Variants in DHTKD1 observed in about 807,000 individuals in gnomAD.
DHTKD1 encodes the protein 2-oxoadipate dehydrogenase complex component E1.
In DHTKD1, 78 loss-of-function variants were observed where a neutral mutation model predicts 101.8. The ratio of observed to expected loss-of-function variants is 0.77; its 90% confidence interval spans 0.64 to 0.93. The LOEUF (loss-of-function observed/expected upper bound fraction) is 0.93. DHTKD1 is among the 40% of genes least tolerant of loss of function. The probability of loss-of-function intolerance (pLI) is 0.00; values close to 1 mark genes in which losing one functional copy is unlikely to be tolerated. For missense variants in DHTKD1, 1,223 were observed against 1,161.7 expected, an observed-to-expected ratio of 1.05 and a Z score of -0.77; for synonymous variants, 462 against 450.3, an observed-to-expected ratio of 1.03 and a Z score of -0.33.
At chr10:12,084,149 C>G (rs1036611379) in intron 2 of DHTKD1, among the ~76,000 whole-genome samples, 2 of 152,100 alleles carry the variant, frequency 1.3e-5, no homozygotes, top group East Asian at 3.9e-4. Flanking sequence ...GCTCGAACTC[C>G]TGACCTCAGG....
intron 16 of DHTKD1, 72 bp downstream of exon 16, chr10:12,120,339 CTT>C (rs539793101): frequency 1.1e-3 from 1,169 of 1,055,130 alleles, no homozygotes; most frequent in Non-Finnish European, 1.2e-3. Flanking sequence ...TTCTTTCTTT[CTT>C]TTTTTTTTTT....
chr10:12,092,171 A>T (rs1833000692), intron 6 of DHTKD1, among the ~76,000 whole-genome samples: 1 of 151,762 alleles, frequency 6.6e-6, no homozygotes, highest in Admixed American at 6.6e-5. Context: ...TTTAGTAGAG[A>T]CGGGGTTTCA....
At chr10:12,106,137 C>A in intron 10 of DHTKD1, 109 bp from the exon 11 acceptor site, 1 of 1,127,848 alleles carries the variant, frequency 8.9e-7, no homozygotes, top group Non-Finnish European at 1.3e-6. Flanking sequence ...TGGTGATGAA[C>A]GAGAGCAAGG....
At chr10:12,092,561 T>C (rs1286821410) in intron 6 of DHTKD1, among the ~76,000 whole-genome samples, 1 of 151,888 alleles carries the variant, frequency 6.6e-6, no homozygotes, top group Non-Finnish European at 1.5e-5. Flanking sequence ...CCCAGCACTT[T>C]GGGAGGCTAA....
In DHTKD1 at chr10:12,101,321, G is replaced by A. The variant is rs73577257; in HGVS notation, c.1896+140G>A. 0.039 allele frequency: 34,230 copies of A among 887,874 alleles called. 886 individuals are homozygous for A. The highest frequency in any genetic ancestry group is 0.043 in the Non-Finnish European group (26,135 of 604,634). 55.0% of individuals were successfully genotyped at this position (887,874 alleles called of 1,614,324 possible). ...AAAGGAGTGCTAAATGGGTGGATGA[G>A]GTGGGTCTGTCAATTTGGAATGCAA... is the stretch of plus-strand genomic sequence containing the variant. On this transcript the variant is annotated intron_variant, in intron 10 of 16. Transcript: ENST00000263035.
At chr10:12,109,793 G>A (rs542263001) in intron 12 of DHTKD1, among the ~76,000 whole-genome samples, 2 of 151,976 alleles carry the variant, frequency 1.3e-5, no homozygotes, top group South Asian at 4.2e-4. Context: ...GTGAGACCCT[G>A]TCTCTACTAA....
chr10:12,082,513 C>T (rs1009329120), intron 2 of DHTKD1, among the ~76,000 whole-genome samples: 1 of 152,094 alleles, frequency 6.6e-6, no homozygotes, highest in African/African-American at 2.4e-5. Context: ...AATAAACTAC[C>T]CCAAGACGTA....
chr10:12,120,815 C>T lies in DHTKD1; in HGVS notation c.2687C>T (p.Pro896Leu). ...KLRLVGRPPL[P>L]VPAVGIGTVH... is the part of the protein sequence containing the mutation. ...CGTCTGGTGGGCCGGCCCCCTTTGC[C>T]AGTACCCGCTGTAGGAATTGGCACA... Residue 896 changes from proline to leucine, a missense_variant, in exon 17 of 17, where the codon CCA becomes CTA. Physicochemically the swap from Pro to Leu is moderately conservative, Grantham distance 98. Coordinates refer to ENST00000263035, the MANE Select transcript of DHTKD1 (RefSeq NM_018706.7). 4.3e-6 allele frequency: 7 copies of T among 1,614,136 alleles called. No individual in the cohort carries two copies. Among genetic ancestry groups the T allele is most frequent in the Non-Finnish European group, 5.1e-6 (6 of 1,179,996 alleles).
At chr10:12,120,370 G>C (rs1382249884) in intron 16 of DHTKD1, 103 bp downstream of exon 16, 1 of 1,041,500 alleles carries the variant, frequency 9.6e-7, no homozygotes, top group African/African-American at 1.6e-5. Flanking sequence ...GTCTCACTCT[G>C]TTGCCCAGGC....
At chr10:12,102,143 T>G (rs1266442599) in intron 10 of DHTKD1, among the ~76,000 whole-genome samples, 2 of 152,016 alleles carry the variant, frequency 1.3e-5, no homozygotes, top group African/African-American at 2.4e-5. Flanking sequence ...ATTCACTTGG[T>G]GGCCGGGTGT....
chr10:12,118,772 C>G lies in DHTKD1; in HGVS notation c.2426C>G (p.Ser809Cys). 6.3e-7 allele frequency: 1 copy of G among 1,591,442 alleles called. No individual in the cohort carries two copies. The highest frequency in any genetic ancestry group is 1.1e-5 in the South Asian group (1 of 87,380). Residue 809 changes from serine (S) to cysteine (C), a missense_variant, in exon 15 of 17, where the codon TCC becomes TGC. By Grantham distance (112) the Ser-to-Cys change is moderately radical. Coordinates refer to ENST00000263035, the MANE Select transcript of DHTKD1 (RefSeq NM_018706.7). ...AGGGTTAAGACCCTCGTGTTCTGCTCCGGCAAACATTTCTACTCCCTGGTG... is the reference window on the plus strand; with the variant it reads ...AGGGTTAAGACCCTCGTGTTCTGCTGCGGCAAACATTTCTACTCCCTGGTG... ...PKKVKTLVFC[S>C]GKHFYSLVKQ...
intron 14 of DHTKD1, among the ~76,000 whole-genome samples, chr10:12,118,318 A>AC (rs1330575540): frequency 3.4e-5 from 5 of 148,154 alleles, no homozygotes; most frequent in Admixed American, 1.4e-4. Context: ...GGCTGCAGAG[A>AC]CCCCCACCAC....
At position 12,103,525 on chromosome 10, in the gene DHTKD1, G is replaced by GTGTGTGTGTGTA. The variant is rs1554793234; in HGVS notation, c.1896+2347_1896+2348insGTGTGTGTATGT. Among the ~76,000 whole-genome samples the GTGTGTGTGTGTA allele has an allele frequency of 7.8e-6, 1 of 127,710 alleles. No homozygotes were observed. The highest frequency in any genetic ancestry group is 1.8e-5 in the Non-Finnish European group (1 of 56,534). The allele number at this position is 127,710 out of a possible 152,430, so 83.8% of individuals were successfully genotyped here. On this transcript the variant is annotated intron_variant, in intron 10 of 16. Coordinates refer to ENST00000263035, the MANE Select transcript of DHTKD1 (RefSeq NM_018706.7). This position sits in a 1 kb window ranked among gnomAD's most constrained non-coding sequence, Gnocchi z 4.8. ...TGTGTGTGTGTGTGTGTGTGTGTGT[G>GTGTGTGTGTGTA]TGTATGTATGTGACAGGTCCTCCTC... is the stretch of plus-strand genomic sequence containing the variant.
At chr10:12,092,830 T>A (rs1014096781) in intron 6 of DHTKD1, among the ~76,000 whole-genome samples, 1 of 151,942 alleles carries the variant, frequency 6.6e-6, no homozygotes, top group African/African-American at 2.4e-5. Context: ...AAATAAGATG[T>A]GAAGAATCAA....
chr10:12,086,436 G>A (rs1238562875), intron 3 of DHTKD1, among the ~76,000 whole-genome samples: 3 of 151,142 alleles, frequency 2.0e-5, no homozygotes, highest in African/African-American at 7.3e-5. Context: ...AGTCAGGATG[G>A]TCTCGATCTC....
chr10:12,106,301 G>T lies in DHTKD1; in HGVS notation c.1952G>T (p.Ser651Ile), dbSNP rs1833246281. Reference protein sequence around the residue: ...EAVLGFEYGMSIESPKLLPLW... With the variant: ...EAVLGFEYGMIIESPKLLPLW... ...GTCCTGGGATTTGAATATGGGATGA[G>T]CATTGAGAGCCCAAAGTTACTGCCC... Residue 651 changes from serine to isoleucine, a missense_variant, in exon 11 of 17, where the codon AGC (serine) becomes ATC (isoleucine). Physicochemically the swap from Ser to Ile is moderately radical, Grantham distance 142. Transcript: ENST00000263035. The T allele has an allele frequency of 7.4e-6, 12 of 1,614,156 alleles. No homozygotes were observed. The highest frequency in any genetic ancestry group is 1.0e-5 in the Non-Finnish European group (12 of 1,180,016).
chr10:12,104,240 G>A (rs527881318), intron 10 of DHTKD1, among the ~76,000 whole-genome samples: 28 of 152,012 alleles, frequency 1.8e-4, no homozygotes, highest in African/African-American at 6.0e-4. Context: ...GTGCAGTGGC[G>A]CAACCTCGGC....
At chr10:12,099,627 G>A (rs1487783522) in intron 8 of DHTKD1, among the ~76,000 whole-genome samples, 1 of 152,064 alleles carries the variant, frequency 6.6e-6, no homozygotes, top group Non-Finnish European at 1.5e-5. Flanking sequence ...GGCTGAGGTT[G>A]CAATCAGCCA....
rs1342298510 is a variant in DHTKD1, at chr10:12,083,054, AG to A, written c.310+1429del. On this transcript the variant is annotated intron_variant, in intron 2 of 16. Coordinates refer to ENST00000263035, the MANE Select transcript of DHTKD1 (RefSeq NM_018706.7). Reference sequence around the variant, plus strand: ...TACTCGGGAGGCTGAGGCAAAAAAAAGGAGCATCTAATAGCAAGGCGTGAAG... The same window carrying A: ...TACTCGGGAGGCTGAGGCAAAAAAAAGAGCATCTAATAGCAAGGCGTGAAG... Among the ~76,000 whole-genome samples, 11 of 151,794 alleles carry A rather than the reference AG, an allele frequency of 7.2e-5. No homozygotes were observed. The East Asian group carries it at 7.8e-4, about 11-fold the overall frequency.
Sources: allele counts gnomAD v4.1 joint callset (sites outside exome capture counted in the v4.1 genomes callset), GRCh38; gene constraint gnomAD v4.1.1; non-coding constraint Gnocchi (gnomAD v3.1); transcripts MANE v1.5; gene names NCBI Gene and HGNC (gene_info 2026-07-23, HGNC 2026-07-21).